HOMER2: variants seen among roughly 807,000 people sequenced by gnomAD.
HOMER2 encodes homer protein homolog 2.
A neutral mutation model predicts 47.0 loss-of-function variants in HOMER2; 27 were observed. The ratio of observed to expected loss-of-function variants is 0.57; its 90% CI spans 0.42 to 0.79. The LOEUF (loss-of-function observed/expected upper bound fraction) is 0.79. Ranked by LOEUF, HOMER2 falls within the 30% of genes least tolerant of loss-of-function variation. The probability of loss-of-function intolerance (pLI) is 0.00; values close to 1 mark genes in which losing one functional copy is unlikely to be tolerated. For synonymous variants in HOMER2, 161 were observed against 163.8 expected (o/e 0.98, Z 0.13); for missense variants, 443 against 435.0 (o/e 1.02, Z -0.16).
chr15:82,933,046 T>C (rs1488840723), intron 1 of HOMER2, among the ~76,000 whole-genome samples: 2 of 152,068 alleles, frequency 1.3e-5, no homozygotes, highest in Non-Finnish European at 2.9e-5. Flanking sequence ...AAGTTGTCCC[T>C]TCTCTAGGCT....
intron 4 of HOMER2, 44 bp downstream of exon 4, chr15:82,864,123 A>G (rs369211904): frequency 8.3e-5 from 109 of 1,306,692 alleles, no homozygotes; most frequent in Non-Finnish European, 1.1e-4. Flanking sequence ...AAGAGTCCCT[A>G]TCACCAACCC....
exon 2 of HOMER2, chr15:82,842,838 A>T (rs899246434): frequency 6.6e-6 from 1 of 152,200 alleles, no homozygotes; most frequent in African/African-American, 2.4e-5. Context: ...TAAAGGACAG[A>T]CTTCCCAATA....
At chr15:82,878,066 G>A (rs1278588844) in intron 2 of HOMER2, among the ~76,000 whole-genome samples, 3 of 152,194 alleles carry the variant, frequency 2.0e-5, no homozygotes, top group African/African-American at 4.8e-5. Flanking sequence ...AGAATCCTGG[G>A]AGGACAAAGC....
At chr15:82,881,007 C>G (rs1439476910) in intron 2 of HOMER2, among the ~76,000 whole-genome samples, 1 of 152,148 alleles carries the variant, frequency 6.6e-6, no homozygotes, top group Non-Finnish European at 1.5e-5. Flanking sequence ...ACTGTTTACC[C>G]CTGGAGAGAG....
chr15:82,897,168 G>C (rs1174216508), intron 1 of HOMER2, among the ~76,000 whole-genome samples: 1 of 144,880 alleles, frequency 6.9e-6, no homozygotes, highest in Non-Finnish European at 1.5e-5. Context: ...CTGGGTTTAA[G>C]CAATTCTCTG....
chr15:82,875,160 C>T (rs2052306434), intron 3 of HOMER2, 113 bp downstream of exon 3: 1 of 1,301,012 alleles, frequency 7.7e-7, no homozygotes, highest in East Asian at 2.4e-5. Context: ...AGGAGTGAAA[C>T]CAAAGACCAG....
chr15:82,838,155 C>G (rs974638878), exon 2 of HOMER2: 3 of 152,684 alleles, frequency 2.0e-5, no homozygotes, highest in Admixed American at 6.5e-5. Context: ...TCTGGCAGCT[C>G]TGCATTAAAG....
At chr15:82,844,534 A>AT (rs536973315), downstream of HOMER2, 369 of 152,350 alleles carry the variant, frequency 2.4e-3, 4 homozygotes, top group African/African-American at 8.5e-3. Context: ...AAAAAGTAAT[A>AT]AAACACACAC....
chr15:82,860,241 T>TA (rs1324474901), intron 4 of HOMER2, among the ~76,000 whole-genome samples: 2 of 151,158 alleles, frequency 1.3e-5, no homozygotes, highest in African/African-American at 2.4e-5. Context: ...CAACTCAAAA[T>TA]AAAAAAAAGG....
At chr15:82,939,063 A>G (rs191467418) in intron 1 of HOMER2, among the ~76,000 whole-genome samples, 1 of 152,236 alleles carries the variant, frequency 6.6e-6, no homozygotes, top group Admixed American at 6.5e-5. Flanking sequence ...TGGCTCCCAA[A>G]TCTGTATCTC....
At chr15:82,925,486 T>C (rs867438417) in intron 1 of HOMER2, among the ~76,000 whole-genome samples, 14 of 152,196 alleles carry the variant, frequency 9.2e-5, no homozygotes, top group African/African-American at 3.4e-4. Flanking sequence ...GTGGCATGCA[T>C]AAAATGAGGA....
chr15:82,851,335 T>C, intron 7 of HOMER2, 104 bp from the exon 8 acceptor site: 1 of 745,780 alleles, frequency 1.3e-6, no homozygotes, highest in South Asian at 1.6e-5. Flanking sequence ...TTTGGGACCC[T>C]GTCCTGTTTG....
At chr15:82,923,272 C>T (rs1457570883) in intron 1 of HOMER2, among the ~76,000 whole-genome samples, 2 of 151,888 alleles carry the variant, frequency 1.3e-5, no homozygotes, top group South Asian at 2.1e-4. Flanking sequence ...CATCACCTGA[C>T]GTCAGGAGTT....
At chr15:82,923,486 CAAAA>C (rs555074000) in intron 1 of HOMER2, among the ~76,000 whole-genome samples, 6 of 56,306 alleles carry the variant, frequency 1.1e-4, no homozygotes, top group South Asian at 1.2e-3. Context: ...GAGTCCGTCT[CAAAA>C]AAAAAAAAAA....
chr15:82,836,660 C>T (rs890499697), downstream of HOMER2, among the ~76,000 whole-genome samples: 2 of 152,252 alleles, frequency 1.3e-5, no homozygotes, highest in African/African-American at 4.8e-5. Flanking sequence ...CCTAGTACAG[C>T]CAATCCTATG....
At chr15:82,955,964 G>A (rs1468046758), upstream of HOMER2, among the ~76,000 whole-genome samples, 2 of 152,148 alleles carry the variant, frequency 1.3e-5, no homozygotes, top group South Asian at 2.1e-4. Flanking sequence ...TGATGGCTGG[G>A]TGTGGTGGCT....
At chr15:82,872,457 A>G (rs1346491484) in intron 3 of HOMER2, among the ~76,000 whole-genome samples, 1 of 152,220 alleles carries the variant, frequency 6.6e-6, no homozygotes, top group Non-Finnish European at 1.5e-5. Flanking sequence ...ACCCTGGACT[A>G]AAACAATCTA....
In HOMER2 at chr15:82,850,387, C is replaced by T. The variant is rs544845230; in HGVS notation, c.844-484G>A. Among the ~76,000 whole-genome samples the T allele has an allele frequency of 1.3e-4, 20 of 152,330 alleles. No individual in the cohort carries two copies. The East Asian group carries it at 3.7e-3, about 28-fold the overall frequency. On this transcript the variant is annotated intron_variant, in intron 8 of 8. Transcript: ENST00000450735. ...CTGGCCCTCAGAGAGGAAGGACTGG[C>T]CATGCCAATGACTCAGGGACAGCCA...
In HOMER2 at chr15:82,873,263, T is replaced by A. The variant is rs535166749; in HGVS notation, c.294+2010A>T. The stretch of plus-strand genomic sequence containing the variant: ...AGGCTGATTCCACTGGGCCCCTTAT[T>A]CCAGGGGAAGAGTGATTTATCATCA... On this transcript the variant is annotated intron_variant, in intron 3 of 8. Coordinates refer to ENST00000450735, the MANE Select transcript of HOMER2 (RefSeq NM_004839.4). Among the ~76,000 whole-genome samples, 4 of 152,232 alleles carry A rather than the reference T, an allele frequency of 2.6e-5. No homozygotes were observed. The South Asian group carries it at 8.3e-4, about 32-fold the overall frequency.
Sources: allele counts gnomAD v4.1 joint callset (sites outside exome capture counted in the v4.1 genomes callset), GRCh38; gene constraint gnomAD v4.1.1; transcripts MANE v1.5; gene names NCBI Gene and HGNC (gene_info 2026-07-23, HGNC 2026-07-21).